Variants in TFR2 observed in about 807,000 individuals in gnomAD.
TFR2 encodes transferrin receptor protein 2.
Under a neutral mutation model 91.9 loss-of-function variants are expected in TFR2, and 64 were observed. The observed-to-expected ratio is 0.70, with a 90% CI of 0.57 to 0.86. The LOEUF (loss-of-function observed/expected upper bound fraction) is 0.86, where lower values mean the gene tolerates loss of function less well. TFR2 is among the 40% of genes least tolerant of loss of function. The pLI, the probability that TFR2 is intolerant of heterozygous loss-of-function variation, is 0.00. For missense variants in TFR2, 950 were observed against 1,080.5 expected (o/e 0.88, Z 1.69); for synonymous variants, 454 against 459.6 (o/e 0.99, Z 0.15).
intron 17 of TFR2, 40 bp downstream of exon 17, chr7:100,626,723 G>A: frequency 6.5e-7 from 1 of 1,535,498 alleles, no homozygotes; most frequent in African/African-American, 1.4e-5. Context: ...CAGGGGAGGG[G>A]CGGGACACTG....
chr7:100,638,435 G>T (rs1184037056), intron 3 of TFR2, among the ~76,000 whole-genome samples: 1 of 151,120 alleles, frequency 6.6e-6, no homozygotes, highest in Non-Finnish European at 1.5e-5. Context: ...AACATAGGGA[G>T]ACCTCGTTTC....
chr7:100,633,044 C>T lies in TFR2; in HGVS notation c.806G>A (p.Arg269His), dbSNP rs1176743105. ...LRARGVDPVG[R>H]LLLVRVGVIS... ...CACCCCCACGCGCACCAGCAGCAGG[C>T]GGCCCACTGGATCCACGCCCCTGGC... The change falls in exon 6 of 18, where the codon CGC (arginine) becomes CAC (histidine). Residue 269 changes from arginine (R) to histidine (H), a missense_variant. Arg to His is a conservative substitution (Grantham distance 29). Coordinates refer to ENST00000223051, the MANE Select transcript of TFR2 (RefSeq NM_003227.4). 14 of 1,613,764 alleles carry T rather than the reference C, an allele frequency of 8.7e-6. No homozygotes were observed. Among genetic ancestry groups the T allele is most frequent in the Non-Finnish European group, 1.2e-5 (14 of 1,180,006 alleles).
chr7:100,641,308 AC>A, intron 1 of TFR2, 80 bp from the exon 2 acceptor site: 1 of 1,227,620 alleles, frequency 8.1e-7, no homozygotes, highest in Non-Finnish European at 1.1e-6. Context: ...GAGGTCAGTG[AC>A]TTGGGGGTGT....
At chr7:100,627,694 T>A in intron 14 of TFR2, 33 bp from the exon 15 acceptor site, 1 of 1,613,622 alleles carries the variant, frequency 6.2e-7, no homozygotes, top group South Asian at 1.1e-5. Context: ...GATCTGTGGG[T>A]TCAGGCTCCC....
At chr7:100,637,506 A>G (rs1803597748) in intron 3 of TFR2, among the ~76,000 whole-genome samples, 1 of 152,174 alleles carries the variant, frequency 6.6e-6, no homozygotes, top group Non-Finnish European at 1.5e-5. Flanking sequence ...AGGCACAAAA[A>G]TCACCTGAAG....
At chr7:100,629,045 G>T (rs576203791) in intron 10 of TFR2, among the ~76,000 whole-genome samples, 1 of 152,312 alleles carries the variant, frequency 6.6e-6, no homozygotes, top group South Asian at 2.1e-4. Context: ...CTACAGGCGT[G>T]AGCTACCGCA....
At chr7:100,630,795 C>T in intron 9 of TFR2, 94 bp downstream of exon 9, 6 of 1,564,286 alleles carry the variant, frequency 3.8e-6, no homozygotes, top group Non-Finnish European at 5.2e-6. Context: ...CCTCTTGGGG[C>T]CTCCTGCACC....
intron 17 of TFR2, 89 bp downstream of exon 17, chr7:100,626,674 G>C: frequency 1.3e-6 from 2 of 1,515,722 alleles, no homozygotes; most frequent in Non-Finnish European, 1.8e-6. Context: ...GGGAGAGAGA[G>C]GAGCGCGCAG....
chr7:100,620,917 C>T lies in TFR2; in HGVS notation c.2346G>A (p.Thr782=), dbSNP rs367723987. The T allele has an allele frequency of 3.8e-5, 61 of 1,613,966 alleles. No individual in the cohort carries two copies. Among genetic ancestry groups the T allele is most frequent in the Admixed American group, 1.8e-4 (11 of 60,008 alleles). ...TAAGCGCATTGGCTGCCCCTTGCAGCGTCCAGGTGAGCAGGGCTAGCTGAC... is the reference window on the plus strand; with the variant it reads ...TAAGCGCATTGGCTGCCCCTTGCAGTGTCCAGGTGAGCAGGGCTAGCTGAC... The part of the protein sequence containing the change: ...FRRQLALLTW[T]LQGAANALSG... Residue 782 remains threonine (T), a synonymous_variant, in exon 18 of 18, where the codon ACG becomes ACA. Coordinates refer to ENST00000223051, the MANE Select transcript of TFR2 (RefSeq NM_003227.4).
At chr7:100,641,413 T>C in intron 1 of TFR2, 64 bp downstream of exon 1, 1 of 1,605,138 alleles carries the variant, frequency 6.2e-7, no homozygotes, top group East Asian at 2.2e-5. Context: ...CTCAGGGGCT[T>C]GGGAGGGGGC....
At chr7:100,626,687 G>C (rs994273244) in intron 17 of TFR2, 76 bp downstream of exon 17, 186 of 1,524,586 alleles carry the variant, frequency 1.2e-4, no homozygotes, top group Middle Eastern at 4.6e-4. Context: ...GCGCGCAGAC[G>C]GGGCCAGGTC....
chr7:100,633,439 G>A lies in TFR2; in HGVS notation c.591C>T (p.Tyr197=), dbSNP rs779594895. The A allele has an allele frequency of 1.6e-5, 26 of 1,612,556 alleles. No individual in the cohort carries two copies. Among genetic ancestry groups the A allele is most frequent in the Non-Finnish European group, 2.2e-5 (26 of 1,179,610 alleles). The change falls in exon 4 of 18, where the codon TAC becomes TAT. Residue 197 remains tyrosine (Y), a synonymous_variant. Coordinates refer to ENST00000223051, the MANE Select transcript of TFR2 (RefSeq NM_003227.4). ...KLDHVWTDTH[Y]VGLQFPDPAH... ...ACGGATCCGGGAATTGCAGCCCCACGTAGTGCGTGTCGGTCCACACGTGGT... is the reference window on the plus strand; with the variant it reads ...ACGGATCCGGGAATTGCAGCCCCACATAGTGCGTGTCGGTCCACACGTGGT...
chr7:100,627,209 G>A (rs1349252677), intron 16 of TFR2, 55 bp downstream of exon 16: 4 of 1,520,956 alleles, frequency 2.6e-6, no homozygotes, highest in East Asian at 4.9e-5. Flanking sequence ...GGACCCCCTG[G>A]CCTGGGCAGT....
rs2131327501 is a variant in TFR2, at chr7:100,640,799, C to T, written c.360G>A (p.Glu120=). 6.2e-7 allele frequency: 1 copy of T among 1,614,192 alleles called. No individual in the cohort carries two copies. The highest frequency in any genetic ancestry group is 8.5e-7 in the Non-Finnish European group (1 of 1,180,028). The change falls in exon 3 of 18, where the codon GAG becomes GAA. Residue 120 remains glutamate (E), a synonymous_variant. Coordinates refer to ENST00000223051, the MANE Select transcript of TFR2 (RefSeq NM_003227.4). ...ACGDSVLVVS[E]DVNYEPDLDF... is the part of the protein sequence containing the mutation. ...CCAGGTCAGGCTCATAGTTGACATC[C>T]TCACTGACCACCAACACAGAGTCTC...
In TFR2 at chr7:100,628,322, AAGG is replaced by A; in HGVS notation, c.1391-19_1391-17del. On this transcript the variant is annotated splice_polypyrimidine_tract_variant and intron_variant, in intron 10 of 17. Coordinates refer to ENST00000223051, the MANE Select transcript of TFR2 (RefSeq NM_003227.4). ...GGCCGGAAGCCTGGGGACAGAGGGG[AAGG>A]AGGACAGGCTTAGCAGGGGCCAAGC... is the stretch of plus-strand genomic sequence containing the variant. 1 of 1,613,620 alleles carries A rather than the reference AAGG, an allele frequency of 6.2e-7. No homozygotes were observed. The highest frequency in any genetic ancestry group is 8.5e-7 in the Non-Finnish European group (1 of 1,179,664).
At chr7:100,633,977 G>C (rs1043626691) in intron 3 of TFR2, among the ~76,000 whole-genome samples, 2 of 152,056 alleles carry the variant, frequency 1.3e-5, no homozygotes, top group African/African-American at 4.8e-5. Context: ...CAAAGTGCTG[G>C]CATTACAGGC....
In TFR2 at chr7:100,626,827, T is replaced by C. The variant is rs1437170055; in HGVS notation, c.2072A>G (p.Glu691Gly). Residue 691 changes from glutamate to glycine, a missense_variant, in exon 17 of 18, where the codon GAG (glutamate) becomes GGG (glycine). Transcript: ENST00000223051. ...GTCTCTCTCCTCCGAGCTGTAGATCTCCTGCCGCAGCTTTTCCGCCGCCCG... is the reference window on the plus strand; with the variant it reads ...GTCTCTCTCCTCCGAGCTGTAGATCCCCTGCCGCAGCTTTTCCGCCGCCCG... ...YIRAAEKLRQ[E>G]IYSSEERDER... The C allele has an allele frequency of 6.5e-7, 1 of 1,549,560 alleles. No individual in the cohort carries two copies. Among genetic ancestry groups the C allele is most frequent in the Admixed American group, 2.0e-5 (1 of 51,014 alleles).
intron 16 of TFR2, 108 bp from the exon 17 acceptor site, chr7:100,627,011 G>C: frequency 2.4e-6 from 3 of 1,259,368 alleles, no homozygotes; most frequent in Non-Finnish European, 3.1e-6. Flanking sequence ...GGGACCCCTG[G>C]CCGCAGGAGG....
Position 100,631,064 on chromosome 7 carries a change from G to T in TFR2, c.1107-12C>A. The T allele has an allele frequency of 6.4e-7, 1 of 1,551,042 alleles. No homozygotes were observed. The highest frequency in any genetic ancestry group is 8.7e-7 in the Non-Finnish European group (1 of 1,154,602). The stretch of plus-strand genomic sequence containing the variant: ...GGCCTTTGAGCTTCCTGGAGAGGAG[G>T]AAGGCAGAAAGGGGGAAGTTGTAGA... On this transcript the variant is annotated splice_polypyrimidine_tract_variant and intron_variant, in intron 8 of 17. Coordinates refer to ENST00000223051, the MANE Select transcript of TFR2 (RefSeq NM_003227.4).
Sources: gnomAD v4.1 joint callset for allele counts (sites outside exome capture counted in the v4.1 genomes callset) on GRCh38, gnomAD v4.1.1 for gene constraint, MANE v1.5 for transcripts, NCBI Gene and HGNC (gene_info 2026-07-23, HGNC 2026-07-21) for gene names.